Variants in ADGRB3 observed in about 807,000 individuals in gnomAD.
ADGRB3 encodes adhesion G protein-coupled receptor B3, also known as brain-specific angiogenesis inhibitor 3.
Under a neutral mutation model 193.4 loss-of-function variants are expected in ADGRB3, and 37 were observed. The ratio of observed to expected loss-of-function variants is 0.19; its 90% CI spans 0.15 to 0.25. The LOEUF (loss-of-function observed/expected upper bound fraction) is 0.25, where lower values mean the gene tolerates loss of function less well. Ranked by LOEUF, ADGRB3 falls within the 10% of genes least tolerant of loss-of-function variation. The pLI is 1.00. For missense variants in ADGRB3, 1,637 were observed against 1,852.9 expected (o/e 0.88, Z 2.14); for synonymous variants, 690 against 644.2 (o/e 1.07, Z -1.08).
intron 17 of ADGRB3, among the ~76,000 whole-genome samples, chr6:69,173,616 G>A (rs1207207118): frequency 6.6e-6 from 1 of 151,956 alleles, no homozygotes; most frequent in Non-Finnish European, 1.5e-5. Context: ...TAAATGGAAA[G>A]GATATTATAA....
At chr6:69,323,404 A>C (rs536690654) in intron 20 of ADGRB3, among the ~76,000 whole-genome samples, 17 of 152,120 alleles carry the variant, frequency 1.1e-4, no homozygotes, top group African/African-American at 3.8e-4. Flanking sequence ...GGAAAAAATA[A>C]AAGTCTTAAT....
At chr6:69,161,660 C>T (rs1480132147) in intron 17 of ADGRB3, among the ~76,000 whole-genome samples, 1 of 152,078 alleles carries the variant, frequency 6.6e-6, no homozygotes, top group Admixed American at 6.6e-5. Context: ...AAGAATCCAG[C>T]TGCAAATTGC....
intron 20 of ADGRB3, among the ~76,000 whole-genome samples, chr6:69,270,457 A>G (rs1319848181): frequency 6.6e-6 from 1 of 152,188 alleles, no homozygotes; most frequent in African/African-American, 2.4e-5. Context: ...TATTTTAACT[A>G]TAAGACTTAC....
intron 13 of ADGRB3, among the ~76,000 whole-genome samples, chr6:69,043,292 G>GAGAAAGAAAGAAAGAAAGAAAGAAAGAA (rs1486008350): frequency 1.2e-4 from 2 of 17,214 alleles, no homozygotes; most frequent in African/African-American, 3.4e-4. Context: ...AAGAAAGAGA[G>GAGAAAGAAAGAAAGAAAGAAAGAAAGAA]AAAGAAAGAA....
Position 68,930,643 on chromosome 6 carries a change from A to T in ADGRB3, c.842A>T (p.Asp281Val), listed in dbSNP as rs777874749. The T allele has an allele frequency of 5.0e-6, 8 of 1,610,588 alleles. No homozygotes were observed. The highest frequency in any genetic ancestry group is 1.1e-5 in the South Asian group (1 of 90,706). Residue 281 changes from aspartate (D) to valine (V), a missense_variant, in exon 4 of 32, where the codon GAT (aspartate) becomes GTT (valine). This residue lies in a region of ADGRB3 where 365 missense variants were observed against 409.8 expected (regional missense o/e 0.89). Coordinates refer to ENST00000370598, the MANE Select transcript of ADGRB3 (RefSeq NM_001704.3). ...HEKRVPQEQA[D>V]AAKFMAQTGE... The stretch of plus-strand genomic sequence containing the variant: ...AAAAGGGTCCCTCAGGAACAAGCTG[A>T]TGCTGCTAAATTTATGGCACAAACT...
chr6:69,333,804 C>A (rs1477918708), intron 24 of ADGRB3, among the ~76,000 whole-genome samples: 1 of 151,166 alleles, frequency 6.6e-6, no homozygotes, highest in Admixed American at 6.6e-5. Flanking sequence ...GTGGTGGGCG[C>A]CTGTAGTCCC....
At chr6:69,260,054 T>C (rs915562952) in intron 20 of ADGRB3, among the ~76,000 whole-genome samples, 1 of 152,210 alleles carries the variant, frequency 6.6e-6, no homozygotes, top group Non-Finnish European at 1.5e-5. Flanking sequence ...CGCAAAATTA[T>C]GTGTGTGTGC....
At chr6:69,141,706 A>G (rs1479237808) in intron 17 of ADGRB3, among the ~76,000 whole-genome samples, 5 of 152,158 alleles carry the variant, frequency 3.3e-5, no homozygotes, top group African/African-American at 4.8e-5. Context: ...CTAAGTTTCT[A>G]CTTTGGATGA....
intron 3 of ADGRB3, among the ~76,000 whole-genome samples, chr6:68,705,699 G>T (rs994001465): frequency 4.6e-5 from 7 of 152,202 alleles, no homozygotes; most frequent in African/African-American, 1.7e-4. Context: ...GACTAGCGCT[G>T]AAGAAATAAT....
intron 17 of ADGRB3, among the ~76,000 whole-genome samples, chr6:69,179,418 A>G (rs1441087042): frequency 3.9e-5 from 6 of 152,062 alleles, no homozygotes; most frequent in African/African-American, 1.4e-4. Flanking sequence ...TAGATTTTCA[A>G]CCTTGTCTTG....
At chr6:68,772,893 A>AT (rs1766659646) in intron 3 of ADGRB3, among the ~76,000 whole-genome samples, 152 of 22,580 alleles carry the variant, frequency 6.7e-3, no homozygotes, top group African/African-American at 9.9e-3. Flanking sequence ...AAAAAAAAAA[A>AT]AATATATATA....
chr6:69,084,011 G>A lies in ADGRB3; in HGVS notation c.2480+7973G>A, dbSNP rs530999726. ...TCTGGTCTCAAAGACCTGACCTCAA[G>A]TGATTCACCCACCTCGGCCTCCCAA... is the stretch of plus-strand genomic sequence containing the variant. On this transcript the variant is annotated intron_variant, in intron 17 of 31. Transcript: ENST00000370598. 5.9e-5 allele frequency among the ~76,000 whole-genome samples: 9 copies of A among 152,124 alleles called. No individual in the cohort carries two copies. The South Asian group carries it at 1.9e-3, about 32-fold the overall frequency.
At chr6:69,236,160 G>A (rs1014661718) in intron 19 of ADGRB3, among the ~76,000 whole-genome samples, 9 of 151,890 alleles carry the variant, frequency 5.9e-5, no homozygotes, top group African/African-American at 2.2e-4. Context: ...TTAAGAAAAT[G>A]TATTGTTCTT....
rs375658479 is a variant in ADGRB3 at position 69,222,612 on chromosome 6, T to G, written c.2481-10678T>G. Among the ~76,000 whole-genome samples the G allele has an allele frequency of 1.2e-3, 184 of 152,256 alleles. 2 individuals are homozygous for G. In the South Asian group the frequency reaches 0.03, roughly 25 times the overall value. ...AAAGGTAGAAAAATGGCAAGCTTTT[T>G]GAAACTGATCACAAATAAATCTAAA... is the stretch of plus-strand genomic sequence containing the variant. On this transcript the variant is annotated intron_variant, in intron 17 of 31. Transcript: ENST00000370598.
intron 4 of ADGRB3, among the ~76,000 whole-genome samples, chr6:68,932,744 A>T (rs1039403518): frequency 6.6e-6 from 1 of 151,788 alleles, no homozygotes; most frequent in African/African-American, 2.4e-5. Context: ...ACATATAAAT[A>T]ATATAAAATT....
intron 3 of ADGRB3, among the ~76,000 whole-genome samples, chr6:68,787,442 G>C (rs953578864): frequency 6.6e-6 from 1 of 152,078 alleles, no homozygotes; most frequent in African/African-American, 2.4e-5. Context: ...TTCTGTTTAT[G>C]TGTTGGATTA....
At chr6:68,870,402 A>C (rs529279706) in intron 3 of ADGRB3, among the ~76,000 whole-genome samples, 1 of 152,336 alleles carries the variant, frequency 6.6e-6, no homozygotes, top group Non-Finnish European at 1.5e-5. Flanking sequence ...GTCTTGAAAA[A>C]TCAAGAGGAG....
At chr6:69,200,838 TAAAAG>T (rs1012392331) in intron 17 of ADGRB3, among the ~76,000 whole-genome samples, 1 of 152,002 alleles carries the variant, frequency 6.6e-6, no homozygotes, top group African/African-American at 2.4e-5. Context: ...CAGGGAGAAA[TAAAAG>T]AAAAGGCAAA....
chr6:68,789,649 A>G (rs935781216), intron 3 of ADGRB3, among the ~76,000 whole-genome samples: 1 of 152,028 alleles, frequency 6.6e-6, no homozygotes, highest in Non-Finnish European at 1.5e-5. Context: ...GCTCTTCTCG[A>G]TGAGTATCTT....
Sources: gnomAD v4.1 joint callset for allele counts (sites outside exome capture counted in the v4.1 genomes callset) on GRCh38, gnomAD v4.1.1 for gene constraint, gnomAD v4.1.1 regional missense constraint, MANE v1.5 for transcripts, NCBI Gene and HGNC (gene_info 2026-07-23, HGNC 2026-07-21) for gene names.